ZNF10: variants seen among roughly 807,000 people sequenced by gnomAD.
The protein encoded by ZNF10 is zinc finger protein 10 (KOX 1).
ZNF10 carries 8 observed loss-of-function variants against 12.2 expected under a neutral mutation model. The ratio of observed to expected loss-of-function variants is 0.66; its 90% CI spans 0.39 to 1.18. The LOEUF (loss-of-function observed/expected upper bound fraction) is 1.18, where lower values mean the gene tolerates loss of function less well. Ranked by LOEUF, ZNF10 falls within the 50% of genes most tolerant of loss-of-function variation. The pLI is 0.01. For synonymous variants in ZNF10, 229 were observed against 228.2 expected (o/e 1.00, Z -0.03); for missense variants, 603 against 678.9 (o/e 0.89, Z 1.24).
intron 1 of ZNF10, among the ~76,000 whole-genome samples, chr12:133,134,144 CAAAAAAAA>C (rs35470467): frequency 4.4e-5 from 3 of 68,066 alleles, no homozygotes; most frequent in African/African-American, 1.2e-4. Flanking sequence ...ACTAAAAATA[CAAAAAAAA>C]AAAAAAAAAA....
chr12:133,149,982 C>G (rs1163556241), intron 2 of ZNF10, among the ~76,000 whole-genome samples: 1 of 152,114 alleles, frequency 6.6e-6, no homozygotes, highest in South Asian at 2.1e-4. Flanking sequence ...AATCTAGAAG[C>G]CTTACAACAT....
chr12:133,143,812 C>T (rs1002327857), intron 1 of ZNF10: 2 of 152,186 alleles, frequency 1.3e-5, no homozygotes, highest in African/African-American at 2.4e-5. Flanking sequence ...TGTCTAAAGG[C>T]TGAAATCAGG....
At chr12:133,137,670 C>T (rs1955920191) in intron 1 of ZNF10, among the ~76,000 whole-genome samples, 1 of 152,134 alleles carries the variant, frequency 6.6e-6, no homozygotes, top group Admixed American at 6.5e-5. Flanking sequence ...CAGTTTCTTC[C>T]AGTAGCCTCA....
chr12:133,142,485 A>G (rs1030785755), intron 1 of ZNF10, among the ~76,000 whole-genome samples: 1 of 152,134 alleles, frequency 6.6e-6, no homozygotes, highest in African/African-American at 2.4e-5. Flanking sequence ...TCTAGAATAT[A>G]CAAAGAACTC....
intron 1 of ZNF10, among the ~76,000 whole-genome samples, chr12:133,131,964 TTAAC>T (rs1242479764): frequency 9.8e-5 from 15 of 152,310 alleles, no homozygotes; most frequent in African/African-American, 2.4e-4. Context: ...TGTTAATTAA[TTAAC>T]TAATTAAGTC....
In ZNF10 at chr12:133,157,269, G is replaced by A. The variant is rs577497923; in HGVS notation, c.*301G>A. 1.7e-4 allele frequency: 41 copies of A among 234,368 alleles called. No individual in the cohort carries two copies. Among genetic ancestry groups the A allele is most frequent in the Non-Finnish European group, 2.5e-4 (31 of 122,584 alleles). The allele number at this position is 234,368 out of a possible 1,614,324, so 14.5% of individuals were successfully genotyped here. On this transcript the variant is annotated 3_prime_UTR_variant, in exon 5 of 5. Coordinates refer to ENST00000248211, the MANE Select transcript of ZNF10 (RefSeq NM_015394.5). Reference sequence around the variant, plus strand: ...TTATTAAATAGGTGAGTTGTTGAGCGAGAACCCCTTCATTTGAAAAGAAAT... The same window carrying A: ...TTATTAAATAGGTGAGTTGTTGAGCAAGAACCCCTTCATTTGAAAAGAAAT...
At chr12:133,154,119 C>A (rs10870586) in intron 4 of ZNF10, among the ~76,000 whole-genome samples, 2 of 149,168 alleles carry the variant, frequency 1.3e-5, no homozygotes, top group African/African-American at 5.0e-5. Flanking sequence ...TTTTTGTCGG[C>A]GGGGGGGATA....
At chr12:133,141,114 G>A (rs141403339) in intron 1 of ZNF10, among the ~76,000 whole-genome samples, 335 of 152,264 alleles carry the variant, frequency 2.2e-3, no homozygotes, top group Admixed American at 4.2e-3. Flanking sequence ...TACCCAATCA[G>A]TATCTATCAA....
rs1042398339 is a variant in ZNF10, at chr12:133,151,216, T to G, written c.160+62T>G. 1.4e-5 allele frequency: 21 copies of G among 1,527,606 alleles called. 2 individuals are homozygous for G. The South Asian group carries it at 2.5e-4, about 18-fold the overall frequency. The allele number at this position is 1,527,606 out of a possible 1,614,324, so 94.6% of individuals were successfully genotyped here. On this transcript the variant is annotated intron_variant, in intron 3 of 4. Coordinates refer to ENST00000248211, the MANE Select transcript of ZNF10 (RefSeq NM_015394.5). ...CATTGATCAAAAGGTACAGAGACCC[T>G]GAAGCATGTATCACACCAGAGTATA...
chr12:133,133,503 G>A (rs999437658), intron 1 of ZNF10, among the ~76,000 whole-genome samples: 37 of 152,200 alleles, frequency 2.4e-4, no homozygotes, highest in African/African-American at 8.9e-4. Flanking sequence ...TCATAAGGGA[G>A]ACAGACAAAT....
At chr12:133,151,942 A>C in intron 4 of ZNF10, 38 bp downstream of exon 4, 1 of 1,564,050 alleles carries the variant, frequency 6.4e-7, no homozygotes, top group Non-Finnish European at 8.8e-7. Flanking sequence ...GCAGCAGCCC[A>C]GATGGGCTGT....
Position 133,159,308 on chromosome 12 carries a change from C to T in ZNF10, c.*2340C>T, listed in dbSNP as rs574019019. On this transcript the variant is annotated 3_prime_UTR_variant, in exon 5 of 5. Coordinates refer to ENST00000248211, the MANE Select transcript of ZNF10 (RefSeq NM_015394.5). ...ACTAGCATAATATTTGTGGCATATC[C>T]GTGTAATGGAAGATTATGCAGGCAT... 7 of 152,174 alleles carry T rather than the reference C, an allele frequency of 4.6e-5. No individual in the cohort carries two copies. Among genetic ancestry groups the T allele is most frequent in the Non-Finnish European group, 8.8e-5 (6 of 68,024 alleles). 9.4% of individuals were successfully genotyped at this position (152,174 alleles called of 1,614,324 possible).
At chr12:133,144,798 T>C (rs1955966052) in intron 2 of ZNF10, 1 of 500,216 alleles carries the variant, frequency 2.0e-6, no homozygotes, top group African/African-American at 1.9e-5. Flanking sequence ...AGTGTTACAT[T>C]TAAAATGGAC....
intron 2 of ZNF10, among the ~76,000 whole-genome samples, chr12:133,145,778 C>G (rs999719734): frequency 2.0e-5 from 3 of 151,836 alleles, no homozygotes; most frequent in African/African-American, 7.3e-5. Context: ...GCACTCCAGC[C>G]CGCGTGTCAG....
intron 2 of ZNF10, among the ~76,000 whole-genome samples, chr12:133,146,864 C>G (rs1593843609): frequency 6.6e-6 from 1 of 151,816 alleles, no homozygotes; most frequent in African/African-American, 2.4e-5. Context: ...AACAAAACAC[C>G]AAGATACAGG....
intron 1 of ZNF10, among the ~76,000 whole-genome samples, chr12:133,131,894 G>C (rs1222679139): frequency 6.6e-6 from 1 of 152,026 alleles, no homozygotes; most frequent in African/African-American, 2.4e-5. Context: ...ATTCTACTTA[G>C]GACAATATTT....
At chr12:133,148,960 C>T (rs1048113642) in intron 2 of ZNF10, among the ~76,000 whole-genome samples, 26 of 152,088 alleles carry the variant, frequency 1.7e-4, no homozygotes, top group African/African-American at 6.0e-4. Context: ...CCATGTTGGT[C>T]AGGCTGGTCT....
chr12:133,139,695 AG>A (rs1027755347), intron 1 of ZNF10, among the ~76,000 whole-genome samples: 280 of 152,218 alleles, frequency 1.8e-3, no homozygotes, highest in African/African-American at 6.4e-3. Flanking sequence ...GACATTTAAG[AG>A]GGGGAATTTA....
At chr12:133,136,171 A>G (rs1020549033) in intron 1 of ZNF10, among the ~76,000 whole-genome samples, 1 of 152,050 alleles carries the variant, frequency 6.6e-6, no homozygotes, top group Admixed American at 6.6e-5. Context: ...TTCATCAGAG[A>G]TTTGACCCCA....
Sources: allele counts gnomAD v4.1 joint callset (sites outside exome capture counted in the v4.1 genomes callset), GRCh38; gene constraint gnomAD v4.1.1; transcripts MANE v1.5; gene names NCBI Gene and HGNC (gene_info 2026-07-23, HGNC 2026-07-21).